Variants in HPSE2 observed in about 807,000 individuals in gnomAD.
HPSE2 encodes the protein heparanase 2 (inactive), also known as inactive heparanase-2.
A neutral mutation model predicts 60.5 loss-of-function variants in HPSE2; 38 were observed. The observed-to-expected ratio is 0.63, with a 90% CI of 0.48 to 0.82. The LOEUF is 0.82. HPSE2 is among the 40% of genes least tolerant of loss of function. The probability of loss-of-function intolerance (pLI) is 0.00; values close to 1 mark genes in which losing one functional copy is unlikely to be tolerated. For synonymous variants in HPSE2, 295 were observed against 293.2 expected, an observed-to-expected ratio of 1.01 and a Z score of -0.06; for missense variants, 713 against 740.4, an observed-to-expected ratio of 0.96 and a Z score of 0.43.
intron 3 of HPSE2, among the ~76,000 whole-genome samples, chr10:98,866,772 G>T (rs1165537961): frequency 6.6e-6 from 1 of 152,004 alleles, no homozygotes; most frequent in African/African-American, 2.4e-5. Flanking sequence ...GAATGCTATA[G>T]CCAGTAAAAA....
chr10:98,528,265 T>C (rs1457089360), intron 9 of HPSE2, among the ~76,000 whole-genome samples: 1 of 152,140 alleles, frequency 6.6e-6, no homozygotes, highest in Non-Finnish European at 1.5e-5. Context: ...CCAGAGCCAC[T>C]CATCACTCTC....
intron 3 of HPSE2, among the ~76,000 whole-genome samples, chr10:98,969,110 A>G (rs1218266265): frequency 6.6e-6 from 1 of 152,236 alleles, no homozygotes; most frequent in Non-Finnish European, 1.5e-5. Flanking sequence ...ATTACTAGAT[A>G]ACAAAATGAT....
chr10:99,211,781 C>T (rs1317483997), intron 2 of HPSE2, among the ~76,000 whole-genome samples: 1 of 152,100 alleles, frequency 6.6e-6, no homozygotes. Flanking sequence ...ACAGGAAAAG[C>T]TCCATTACAT....
rs1242754682 is a variant in HPSE2 at position 99,054,801 on chromosome 10, CTT to C, written c.610+89435_610+89436del. ...TCTTGGCTCACTGCAACCTCCGCCT[CTT>C]GGGTTCAAACGATTCTCCTGCCTCA... On this transcript the variant is annotated intron_variant, in intron 3 of 11. Coordinates refer to ENST00000370552, the MANE Select transcript of HPSE2 (RefSeq NM_021828.5). Among the ~76,000 whole-genome samples the C allele has an allele frequency of 2.0e-5, 3 of 152,142 alleles. No individual in the cohort carries two copies. In the East Asian group the frequency reaches 5.8e-4, roughly 29 times the overall value.
chr10:98,616,350 G>C (rs1945908346), intron 8 of HPSE2, among the ~76,000 whole-genome samples: 1 of 152,052 alleles, frequency 6.6e-6, no homozygotes, highest in Non-Finnish European at 1.5e-5. Flanking sequence ...ACCATTCCTG[G>C]CACACCGTAG....
At chr10:99,026,885 A>C (rs976195336) in intron 3 of HPSE2, among the ~76,000 whole-genome samples, 1 of 152,162 alleles carries the variant, frequency 6.6e-6, no homozygotes, top group Non-Finnish European at 1.5e-5. Flanking sequence ...GGGTCAGTAA[A>C]GAAATTAAGA....
intron 7 of HPSE2, among the ~76,000 whole-genome samples, chr10:98,627,194 G>A (rs1946241706): frequency 1.3e-5 from 2 of 152,204 alleles, no homozygotes; most frequent in African/African-American, 2.4e-5. Flanking sequence ...CATAGACTCT[G>A]TGTAAATAAA....
At chr10:98,550,183 G>A (rs1308569538) in intron 9 of HPSE2, among the ~76,000 whole-genome samples, 1 of 152,090 alleles carries the variant, frequency 6.6e-6, no homozygotes, top group Admixed American at 6.5e-5. Flanking sequence ...CTTACAGCCT[G>A]TGTTACCTCT....
intron 6 of HPSE2, among the ~76,000 whole-genome samples, chr10:98,676,523 A>G (rs1356478454): frequency 6.6e-6 from 1 of 152,208 alleles, no homozygotes; most frequent in East Asian, 1.9e-4. Flanking sequence ...GAAGAAATCA[A>G]TTAGCTCATG....
At chr10:99,195,896 CCA>C (rs1848380624) in intron 2 of HPSE2, among the ~76,000 whole-genome samples, 1 of 151,680 alleles carries the variant, frequency 6.6e-6, no homozygotes, top group East Asian at 1.9e-4. Context: ...CCAAGAATAG[CCA>C]AAACTATCCT....
intron 5 of HPSE2, among the ~76,000 whole-genome samples, chr10:98,700,086 C>T (rs1250373668): frequency 6.6e-6 from 1 of 150,996 alleles, no homozygotes; most frequent in Non-Finnish European, 1.5e-5. Context: ...TTTATAGATT[C>T]AATGCCATCC....
intron 3 of HPSE2, among the ~76,000 whole-genome samples, chr10:98,968,852 G>T (rs890974532): frequency 2.6e-4 from 40 of 152,090 alleles, no homozygotes; most frequent in African/African-American, 9.4e-4. Context: ...GAGGAAGGGT[G>T]GGAGGGGGGT....
intron 2 of HPSE2, among the ~76,000 whole-genome samples, chr10:99,226,879 T>C (rs1849491088): frequency 6.6e-6 from 1 of 152,106 alleles, no homozygotes; most frequent in Admixed American, 6.5e-5. Flanking sequence ...CAATTATTAC[T>C]GTTGTGTTCT....
At chr10:98,491,220 T>C (rs1010243628) in intron 9 of HPSE2, among the ~76,000 whole-genome samples, 19 of 143,978 alleles carry the variant, frequency 1.3e-4, no homozygotes, top group Non-Finnish European at 2.2e-4. Context: ...TTTTTTTTTT[T>C]CTTGTGTGGT....
At chr10:98,525,492 C>A (rs12412681) in intron 9 of HPSE2, among the ~76,000 whole-genome samples, 1 of 152,060 alleles carries the variant, frequency 6.6e-6, no homozygotes. Flanking sequence ...GCTGGGAAGA[C>A]GGGCCTAAGG....
intron 7 of HPSE2, among the ~76,000 whole-genome samples, chr10:98,640,848 T>A (rs1006261503): frequency 6.6e-6 from 1 of 152,082 alleles, no homozygotes; most frequent in African/African-American, 2.4e-5. Context: ...GATCCATAAT[T>A]GGCATTATGG....
intron 2 of HPSE2, among the ~76,000 whole-genome samples, chr10:99,199,102 G>C (rs1848493308): frequency 6.6e-6 from 1 of 152,058 alleles, no homozygotes; most frequent in Non-Finnish European, 1.5e-5. Flanking sequence ...TGGACATTTA[G>C]GTTGTTTCCA....
chr10:98,798,970 T>G lies in HPSE2; in HGVS notation c.611-54914A>C, dbSNP rs561153483. Reference sequence around the variant, plus strand: ...ACATTGAATGGAAAATGGACTAAACTCCACAATCAAAAGACATAAAGTGAC... The same window carrying G: ...ACATTGAATGGAAAATGGACTAAACGCCACAATCAAAAGACATAAAGTGAC... On this transcript the variant is annotated intron_variant, in intron 3 of 11. Transcript: ENST00000370552. 2.0e-5 allele frequency among the ~76,000 whole-genome samples: 3 copies of G among 152,106 alleles called. No individual in the cohort carries two copies. In the South Asian group the frequency reaches 6.2e-4, roughly 32 times the overall value.
intron 3 of HPSE2, among the ~76,000 whole-genome samples, chr10:98,960,351 C>A (rs989785851): frequency 1.3e-5 from 2 of 152,098 alleles, no homozygotes; most frequent in Non-Finnish European, 2.9e-5. Flanking sequence ...TTTGTTTATA[C>A]TGTCTTTATT....
Sources: gnomAD v4.1 joint callset for allele counts (sites outside exome capture counted in the v4.1 genomes callset) on GRCh38, gnomAD v4.1.1 for gene constraint, MANE v1.5 for transcripts, NCBI Gene and HGNC (gene_info 2026-07-23, HGNC 2026-07-21) for gene names.